MGAM2: variants seen among roughly 807,000 people sequenced by gnomAD.
The protein encoded by MGAM2 is probable maltase-glucoamylase 2.
MGAM2 carries 98 observed loss-of-function variants against 96.1 expected under a neutral mutation model. That is an observed-to-expected ratio of 1.02 (90% CI 0.87 to 1.21). MGAM2 has a LOEUF of 1.21. Ranked by LOEUF, MGAM2 falls within the 50% of genes most tolerant of loss-of-function variation. MGAM2 has a pLI of 0.00. For missense variants in MGAM2, 2,055 were observed against 1,182.4 expected (o/e 1.74, Z -10.82); for synonymous variants, 749 against 414.8 (o/e 1.81, Z -9.79).
In MGAM2 at chr7:142,220,645, T is replaced by C. The variant is rs868825550; in HGVS notation, c.6134T>C (p.Phe2045Ser). 1.4e-6 allele frequency: 1 copy of C among 702,322 alleles called. No homozygotes were observed. Among genetic ancestry groups the C allele is most frequent in the Non-Finnish European group, 2.6e-6 (1 of 384,850 alleles). 43.5% of individuals were successfully genotyped at this position (702,322 alleles called of 1,614,324 possible). ...ACTGTTCCTGATACAACTGCTCCTTTCCCTACAAGTACTACTAGTACTAGC... is the reference window on the plus strand; with the variant it reads ...ACTGTTCCTGATACAACTGCTCCTTCCCCTACAAGTACTACTAGTACTAGC... The part of the protein sequence containing the change: ...GTTVPDTTAP[F>S]PTSTTSTSTS... Residue 2045 changes from phenylalanine to serine, a missense_variant, in exon 48 of 48, where the codon TTC becomes TCC. Phe to Ser is a radical substitution (Grantham distance 155). Coordinates refer to ENST00000477922, the MANE Select transcript of MGAM2 (RefSeq NM_001293626.2).
chr7:142,126,591 A>C (rs1369538982), intron 3 of MGAM2, among the ~76,000 whole-genome samples: 1 of 151,884 alleles, frequency 6.6e-6, no homozygotes. Context: ...GATTATTTAA[A>C]TTTTACTGTG....
rs1797868613 is a variant in MGAM2 at position 142,219,966 on chromosome 7, A to G, written c.5455A>G (p.Lys1819Glu). ...TGGTCCTGTACTTCCTACTCCAACT[A>G]AGACAAGTACCATCCCAATGAGTTC... is the stretch of plus-strand genomic sequence containing the variant. ...DGGPVLPTPTKTSTIPMSSHP... is the reference protein window; with the variant it reads ...DGGPVLPTPTETSTIPMSSHP... The change falls in exon 48 of 48, where the codon AAG becomes GAG. Residue 1819 changes from lysine to glutamate, a missense_variant. Coordinates refer to ENST00000477922, the MANE Select transcript of MGAM2 (RefSeq NM_001293626.2). The G allele has an allele frequency of 2.8e-6, 2 of 702,752 alleles. No individual in the cohort carries two copies. The highest frequency in any genetic ancestry group is 5.2e-6 in the Non-Finnish European group (2 of 384,938). 43.5% of individuals were successfully genotyped at this position (702,752 alleles called of 1,614,324 possible).
intron 15 of MGAM2, among the ~76,000 whole-genome samples, chr7:142,149,763 C>A (rs113063186): frequency 1.1e-4 from 16 of 151,642 alleles, no homozygotes; most frequent in East Asian, 2.0e-4. Flanking sequence ...GGATGGTCTC[C>A]ATCTCCTGAC....
At chr7:142,197,252 G>A in intron 40 of MGAM2, 148 bp from the exon 41 acceptor site, 1 of 604,646 alleles carries the variant, frequency 1.7e-6, no homozygotes, top group Admixed American at 2.9e-5. Context: ...TTGTAGGGTG[G>A]CAGAGATGGG....
In MGAM2 at chr7:142,131,969, T is replaced by A. The variant is rs1260451740; in HGVS notation, c.459T>A (p.His153Gln). The A allele has an allele frequency of 2.8e-6, 2 of 702,890 alleles. No homozygotes were observed. The highest frequency in any genetic ancestry group is 5.2e-6 in the Non-Finnish European group (2 of 384,960). The allele number at this position is 702,890 out of a possible 1,614,324, so 43.5% of individuals were successfully genotyped here. The change falls in exon 6 of 48, where the codon CAT becomes CAA. Residue 153 changes from histidine (H) to glutamine (Q), a missense_variant. Physicochemically the swap from His to Gln is conservative, Grantham distance 24. Transcript: ENST00000477922. ...ATAACATACGCTATGAAGTTTCCCATGAAAATATTAACCTGGTTGATGGGA... is the reference window on the plus strand; with the variant it reads ...ATAACATACGCTATGAAGTTTCCCAAGAAAATATTAACCTGGTTGATGGGA... Reference protein sequence around the residue: ...DFNNIRYEVSHENINLVDGIA... With the variant: ...DFNNIRYEVSQENINLVDGIA...
At chr7:142,205,469 A>T (rs1009404683) in intron 45 of MGAM2, among the ~76,000 whole-genome samples, 1 of 108,016 alleles carries the variant, frequency 9.3e-6, no homozygotes, top group African/African-American at 3.2e-5. Flanking sequence ...CCTTGTCAAC[A>T]TTTATTATCT....
intron 3 of MGAM2, among the ~76,000 whole-genome samples, chr7:142,124,452 C>A (rs146787656): frequency 8.0e-4 from 121 of 152,186 alleles, no homozygotes; most frequent in Admixed American, 2.2e-3. Context: ...TACCATACAG[C>A]CTTAATAACT....
intron 15 of MGAM2, among the ~76,000 whole-genome samples, chr7:142,152,079 T>G: frequency 6.6e-6 from 1 of 152,032 alleles, no homozygotes; most frequent in East Asian, 1.9e-4. Flanking sequence ...CACAACCTGA[T>G]TATAAATTGG....
chr7:142,147,618 G>A (rs62479416), intron 15 of MGAM2, 45 bp downstream of exon 15: 16,406 of 663,194 alleles, frequency 0.025, 252 homozygotes, highest in Non-Finnish European at 0.033. Flanking sequence ...GTGGAGGTGG[G>A]AGGTGGAGGT....
chr7:142,151,367 A>G (rs890575431), intron 15 of MGAM2, among the ~76,000 whole-genome samples: 9 of 152,184 alleles, frequency 5.9e-5, no homozygotes, highest in African/African-American at 1.9e-4. Context: ...AAAATGTAAA[A>G]GTTTGTATTT....
Position 142,148,087 on chromosome 7 carries a change from A to G in MGAM2, c.1634+514A>G, listed in dbSNP as rs1795441306. ...CCTCATAATTCTCCCTTCTGCCCTA[A>G]GACACACACACATGCACACACACGT... is the stretch of plus-strand genomic sequence containing the variant. On this transcript the variant is annotated intron_variant, in intron 15 of 47. Coordinates refer to ENST00000477922, the MANE Select transcript of MGAM2 (RefSeq NM_001293626.2). The surrounding 1 kb of genome is among the most constrained non-coding windows in gnomAD (Gnocchi z 4.2). 6.6e-6 allele frequency among the ~76,000 whole-genome samples: 1 copy of G among 151,900 alleles called. No homozygotes were observed. The highest frequency in any genetic ancestry group is 1.5e-5 in the Non-Finnish European group (1 of 67,972).
At position 142,222,023 on chromosome 7, in the gene MGAM2, T is replaced by C. The variant is rs1797946917; in HGVS notation, c.7512T>C (p.Tyr2504=). The change falls in exon 48 of 48, where the codon TAT becomes TAC. Residue 2504 remains tyrosine (Y), a synonymous_variant. Coordinates refer to ENST00000477922, the MANE Select transcript of MGAM2 (RefSeq NM_001293626.2). The stretch of plus-strand genomic sequence containing the variant: ...ATACCTCTGCTACTGCACCTACTTA[T>C]ATTGCAAATGCCATAAATGCTACTC... ...TVHTSATAPT[Y]IANAINATQV... is the part of the protein sequence containing the mutation. The C allele has an allele frequency of 2.5e-6, 1 of 398,412 alleles. No homozygotes were observed. Among genetic ancestry groups the C allele is most frequent in the East Asian group, 3.6e-5 (1 of 28,070 alleles). The allele number at this position is 398,412 out of a possible 1,614,324, so 24.7% of individuals were successfully genotyped here. A position where few individuals can be genotyped will look rare whatever the true frequency, so the allele number is the denominator to read the frequency against.
chr7:142,160,061 G>A, intron 20 of MGAM2, 73 bp from the exon 21 acceptor site: 2 of 633,052 alleles, frequency 3.2e-6, no homozygotes, highest in Non-Finnish European at 2.8e-6. Flanking sequence ...AACTGAATGA[G>A]ATGATACCTA....
chr7:142,142,734 G>C (rs534594322), intron 12 of MGAM2, among the ~76,000 whole-genome samples: 1 of 152,080 alleles, frequency 6.6e-6, no homozygotes, highest in South Asian at 2.1e-4. Flanking sequence ...ATTTTTAGTA[G>C]AGACGGAATT....
rs1361747554 is a variant in MGAM2, at chr7:142,170,233, A to G, written c.3182+4A>G. The G allele has an allele frequency of 1.4e-6, 1 of 701,298 alleles. No individual in the cohort carries two copies. Among genetic ancestry groups the G allele is most frequent in the Admixed American group, 2.0e-5 (1 of 49,700 alleles). 43.4% of individuals were successfully genotyped at this position (701,298 alleles called of 1,614,324 possible). A position where few individuals can be genotyped will look rare whatever the true frequency, so the allele number is the denominator to read the frequency against. Reference sequence around the variant, plus strand: ...GCAAAAACTCCAGCACTGTGATGTAAGCACTATTTATTTGATTCTAATTAG... The same window carrying G: ...GCAAAAACTCCAGCACTGTGATGTAGGCACTATTTATTTGATTCTAATTAG... On this transcript the variant is annotated splice_donor_region_variant and intron_variant, in intron 27 of 47. Coordinates refer to ENST00000477922, the MANE Select transcript of MGAM2 (RefSeq NM_001293626.2).
chr7:142,195,559 G>T (rs1797007802), intron 37 of MGAM2, among the ~76,000 whole-genome samples: 1 of 149,030 alleles, frequency 6.7e-6, no homozygotes, highest in South Asian at 2.1e-4. Flanking sequence ...GTTTCACCAT[G>T]TTGGCCAGGC....
intron 32 of MGAM2, among the ~76,000 whole-genome samples, chr7:142,177,254 G>C (rs992837217): frequency 3.9e-5 from 6 of 152,178 alleles, no homozygotes; most frequent in African/African-American, 1.4e-4. Context: ...GACAAGAGAA[G>C]AGAGTTTGTT....
chr7:142,182,647 A>G (rs1019167566), intron 32 of MGAM2, among the ~76,000 whole-genome samples: 1 of 152,176 alleles, frequency 6.6e-6, no homozygotes, highest in African/African-American at 2.4e-5. Context: ...TGTTGTAGCT[A>G]GGATCCCAGA....
chr7:142,148,404 T>G lies in MGAM2; in HGVS notation c.1634+831T>G, dbSNP rs1015602689. On this transcript the variant is annotated intron_variant, in intron 15 of 47. Coordinates refer to ENST00000477922, the MANE Select transcript of MGAM2 (RefSeq NM_001293626.2). This position sits in a 1 kb window ranked among gnomAD's most constrained non-coding sequence, Gnocchi z 4.2. The stretch of plus-strand genomic sequence containing the variant: ...ACCATCCCTACCACCACCATCACCA[T>G]CATCACTATCCCCATCACCACCATG... Among the ~76,000 whole-genome samples, 12 of 151,652 alleles carry G rather than the reference T, an allele frequency of 7.9e-5. No homozygotes were observed. Among genetic ancestry groups the G allele is most frequent in the Non-Finnish European group, 1.0e-4 (7 of 67,886 alleles).
Sources: gnomAD v4.1 joint callset for allele counts (sites outside exome capture counted in the v4.1 genomes callset) on GRCh38, gnomAD v4.1.1 for gene constraint, Gnocchi (gnomAD v3.1) non-coding constraint, MANE v1.5 for transcripts, NCBI Gene and HGNC (gene_info 2026-07-23, HGNC 2026-07-21) for gene names.